GAL: variants seen among roughly 807,000 people sequenced by gnomAD.
GAL encodes the protein galanin and GMAP prepropeptide, also known as galanin peptides.
Under a neutral mutation model 15.8 loss-of-function variants are expected in GAL, and 14 were observed. The observed-to-expected ratio is 0.89, with a 90% CI of 0.59 to 1.39. The LOEUF is 1.39. GAL is among the 40% of genes most tolerant of loss of function. GAL has a pLI of 0.00. For missense variants in GAL, 176 were observed against 170.4 expected (o/e 1.03, Z -0.18); for synonymous variants, 79 against 73.8 (o/e 1.07, Z -0.36).
chr11:68,687,665 ATGCCAGCTCAG>A (rs1171485044), intron 3 of GAL, among the ~76,000 whole-genome samples: 3 of 152,162 alleles, frequency 2.0e-5, no homozygotes, highest in African/African-American at 2.4e-5. Context: ...ACCCAGTTTG[ATGCCAGCTCAG>A]TGCCAGCTCA....
At position 68,687,115 on chromosome 11, in the gene GAL, GC is replaced by G. The variant is rs143826323; in HGVS notation, c.137-898del. On this transcript the variant is annotated intron_variant, in intron 3 of 5. Transcript: ENST00000265643. ...GCTGAGGGTGCATCAGTGACATGAG[GC>G]GACCTATGATTCCTCTATAAATTTA... Among the ~76,000 whole-genome samples, 1,376 of 152,260 alleles carry G rather than the reference GC, an allele frequency of 9.0e-3. 8 individuals carry two copies. Among genetic ancestry groups the G allele is most frequent in the Non-Finnish European group, 0.014 (980 of 68,030 alleles).
chr11:68,690,842 G>C, intron 5 of GAL, 75 bp from the exon 6 acceptor site: 1 of 941,932 alleles, frequency 1.1e-6, no homozygotes, highest in Non-Finnish European at 1.7e-6. Context: ...GCTTCCTGTA[G>C]CATGTGTCGT....
rs1204101432 is a variant in GAL at position 68,685,145 on chromosome 11, G to A, written c.81+141G>A. ...GAAAGGCGGGCGCTGTCCTGGCTGC[G>A]GGCGTCGCGGGAAGGGTCCGGGGCT... On this transcript the variant is annotated intron_variant, in intron 2 of 5. Transcript: ENST00000265643. 9.9e-5 allele frequency: 62 copies of A among 626,132 alleles called. No individual in the cohort carries two copies. In the South Asian group the frequency reaches 1.1e-3, roughly 11 times the overall value. 38.8% of individuals were successfully genotyped at this position (626,132 alleles called of 1,614,324 possible). A position where few individuals can be genotyped will look rare whatever the true frequency, so the allele number is the denominator to read the frequency against.
Position 68,691,012 on chromosome 11 carries a change from T to C in GAL, c.*25T>C, listed in dbSNP as rs1163715419. On this transcript the variant is annotated 3_prime_UTR_variant, in exon 6 of 6. Transcript: ENST00000265643. Reference sequence around the variant, plus strand: ...AGAGCCTCCTGGGCATGTTTGTCTGTGTGCTGTAACCTGAAGTCAAACCTT... The same window carrying C: ...AGAGCCTCCTGGGCATGTTTGTCTGCGTGCTGTAACCTGAAGTCAAACCTT... The C allele has an allele frequency of 6.8e-7, 1 of 1,474,740 alleles. No homozygotes were observed. The highest frequency in any genetic ancestry group is 9.5e-7 in the Non-Finnish European group (1 of 1,052,866). The allele number at this position is 1,474,740 out of a possible 1,614,324, so 91.4% of individuals were successfully genotyped here.
intron 5 of GAL, among the ~76,000 whole-genome samples, chr11:68,689,992 G>A (rs1449246260): frequency 6.6e-6 from 1 of 152,126 alleles, no homozygotes; most frequent in East Asian, 1.9e-4. Flanking sequence ...ACAGGGAGGT[G>A]GTGGTGGGGA....
At chr11:68,686,406 T>G (rs1036524386) in intron 3 of GAL, among the ~76,000 whole-genome samples, 1 of 152,168 alleles carries the variant, frequency 6.6e-6, no homozygotes, top group East Asian at 1.9e-4. Flanking sequence ...AAAGCCTCCC[T>G]GTACTGCCTT....
rs781196225 is a variant in GAL, at chr11:68,690,973, A to G, written c.358A>G (p.Ile120Val). ...CCCCGCCGCAGCCTCCTCAGAAGACATCGAGCGGTCCTGAGAGCCTCCTGG... is the reference window on the plus strand; with the variant it reads ...CCCCGCCGCAGCCTCCTCAGAAGACGTCGAGCGGTCCTGAGAGCCTCCTGG... ...DLPAAASSEDIERS is the reference protein window; with the variant it reads ...DLPAAASSEDVERS Residue 120 changes from isoleucine to valine, a missense_variant, in exon 6 of 6, where the codon ATC becomes GTC. By Grantham distance (29) the Ile-to-Val change is conservative. Transcript: ENST00000265643. 1.2e-6 allele frequency: 2 copies of G among 1,612,106 alleles called. No individual in the cohort carries two copies. The highest frequency in any genetic ancestry group is 1.1e-5 in the South Asian group (1 of 91,040).
In GAL at chr11:68,690,949, C is replaced by G; in HGVS notation, c.334C>G (p.Pro112Ala). The G allele has an allele frequency of 6.2e-7, 1 of 1,613,432 alleles. No individual in the cohort carries two copies. Among genetic ancestry groups the G allele is most frequent in the South Asian group, 1.1e-5 (1 of 91,064 alleles). ...TGCCCTCGACCGCCTCCTGGATCTC[C>G]CCGCCGCAGCCTCCTCAGAAGACAT... ...AGALDRLLDL[P>A]AAASSEDIER... Residue 112 changes from proline to alanine, a missense_variant, in exon 6 of 6, where the codon CCC becomes GCC. By Grantham distance (27) the Pro-to-Ala change is conservative (BLOSUM62 -1). Transcript: ENST00000265643.
At chr11:68,684,766 G>T (rs1945833038) in intron 1 of GAL, 34 bp downstream of exon 1, 8 of 519,556 alleles carry the variant, frequency 1.5e-5, no homozygotes, top group Non-Finnish European at 2.7e-5. Context: ...CTGCGCCCCC[G>T]GGAGGCCTCC....
At chr11:68,685,280 G>A (rs376770273) in intron 2 of GAL, among the ~76,000 whole-genome samples, 1 of 152,270 alleles carries the variant, frequency 6.6e-6, no homozygotes, top group Non-Finnish European at 1.5e-5. Flanking sequence ...AAAGCGAGAA[G>A]CTCGCCCGTT....
Position 68,686,463 on chromosome 11 carries a change from C to T in GAL, c.136+815C>T, listed in dbSNP as rs953707766. On this transcript the variant is annotated intron_variant, in intron 3 of 5. Transcript: ENST00000265643. ...CAGCACGCAGGGCCTATCTGAGCCC[C>T]GCGGAGCAGCAAATGGGGAGAATGG... is the stretch of plus-strand genomic sequence containing the variant. Among the ~76,000 whole-genome samples the T allele has an allele frequency of 2.6e-5, 4 of 152,182 alleles. No individual in the cohort carries two copies. In the East Asian group the frequency reaches 7.7e-4, roughly 29 times the overall value.
At chr11:68,689,371 CT>C (rs990346308) in intron 5 of GAL, among the ~76,000 whole-genome samples, 1 of 150,616 alleles carries the variant, frequency 6.6e-6, no homozygotes, top group Non-Finnish European at 1.5e-5. Flanking sequence ...CTCTTCCTTC[CT>C]TCCTTTTTCT....
rs759983286 is a variant in GAL at position 68,691,003 on chromosome 11, G to A, written c.*16G>A. 64 of 1,516,894 alleles carry A rather than the reference G, an allele frequency of 4.2e-5. No homozygotes were observed. Among genetic ancestry groups the A allele is most frequent in the Non-Finnish European group, 5.8e-5 (63 of 1,091,454 alleles). The allele number at this position is 1,516,894 out of a possible 1,614,324, so 94.0% of individuals were successfully genotyped here. A position where few individuals can be genotyped will look rare whatever the true frequency, so the allele number is the denominator to read the frequency against. On this transcript the variant is annotated 3_prime_UTR_variant, in exon 6 of 6. Transcript: ENST00000265643. ...GCGGTCCTGAGAGCCTCCTGGGCAT[G>A]TTTGTCTGTGTGCTGTAACCTGAAG...
At chr11:68,687,119 C>T (rs1055638503) in intron 3 of GAL, among the ~76,000 whole-genome samples, 11 of 152,120 alleles carry the variant, frequency 7.2e-5, no homozygotes, top group Non-Finnish European at 1.5e-4. Context: ...CATGAGGCGA[C>T]CTATGATTCC....
chr11:68,688,988 A>G (rs1945880891), intron 5 of GAL, 62 bp downstream of exon 5: 2 of 818,650 alleles, frequency 2.4e-6, no homozygotes, highest in Non-Finnish European at 4.3e-6. Context: ...TAAAAGGCCC[A>G]TCGAGAAGAG....
At chr11:68,685,067 C>T in intron 2 of GAL, 63 bp downstream of exon 2, 1 of 1,120,224 alleles carries the variant, frequency 8.9e-7, no homozygotes, top group South Asian at 1.3e-5. Flanking sequence ...GCGTGGAGGG[C>T]TTCCTGGAGG....
intron 5 of GAL, among the ~76,000 whole-genome samples, chr11:68,689,791 T>C (rs995932205): frequency 2.6e-5 from 4 of 152,206 alleles, no homozygotes; most frequent in African/African-American, 9.6e-5. Flanking sequence ...GCAGGCTGCC[T>C]TGAAATCTAA....
At position 68,688,830 on chromosome 11, in the gene GAL, T is replaced by C; in HGVS notation, c.224-19T>C. The C allele has an allele frequency of 7.7e-7, 1 of 1,293,520 alleles. No individual in the cohort carries two copies. Among genetic ancestry groups the C allele is most frequent in the Middle Eastern group, 1.8e-4 (1 of 5,450 alleles). The allele number at this position is 1,293,520 out of a possible 1,614,324, so 80.1% of individuals were successfully genotyped here. ...GCACCCTCTGCACAAGTCGTGAATGTTGATCTTTTCTCTTCTAGGAAGCTT... is the reference window on the plus strand; with the variant it reads ...GCACCCTCTGCACAAGTCGTGAATGCTGATCTTTTCTCTTCTAGGAAGCTT... On this transcript the variant is annotated intron_variant, in intron 4 of 5. Coordinates refer to ENST00000265643, the MANE Select transcript of GAL (RefSeq NM_015973.5).
At chr11:68,690,653 C>A (rs1336856125) in intron 5 of GAL, among the ~76,000 whole-genome samples, 2 of 152,102 alleles carry the variant, frequency 1.3e-5, no homozygotes, top group African/African-American at 4.8e-5. Flanking sequence ...TTAGGATATA[C>A]CAGCTCTCAT....
Sources: allele counts gnomAD v4.1 joint callset (sites outside exome capture counted in the v4.1 genomes callset), GRCh38; gene constraint gnomAD v4.1.1; transcripts MANE v1.5; gene names NCBI Gene and HGNC (gene_info 2026-07-23, HGNC 2026-07-21).